Variants in STXBP5L observed in about 807,000 individuals in gnomAD.
STXBP5L encodes syntaxin-binding protein 5-like.
In STXBP5L, 65 loss-of-function variants were observed where a neutral mutation model predicts 144.5. The observed-to-expected ratio is 0.45, with a 90% CI of 0.37 to 0.55. The LOEUF is 0.55. Among genes scored for constraint, STXBP5L ranks in the 20% least tolerant of loss-of-function variants. STXBP5L has a pLI of 0.00. For missense variants in STXBP5L, 1,298 were observed against 1,405.5 expected (o/e 0.92, Z 1.22); for synonymous variants, 505 against 469.6 (o/e 1.08, Z -0.97).
At chr3:121,158,403 T>C (rs2046196811) in intron 9 of STXBP5L, 1 of 152,182 alleles carries the variant, frequency 6.6e-6, no homozygotes, top group African/African-American at 2.4e-5. Context: ...ATTTGGAAAG[T>C]AGTGGTATGT....
At chr3:120,979,296 T>C (rs1428765900) in intron 3 of STXBP5L, among the ~76,000 whole-genome samples, 1 of 152,180 alleles carries the variant, frequency 6.6e-6, no homozygotes, top group African/African-American at 2.4e-5. Context: ...CAGTTTGATC[T>C]CAGACTGCTG....
chr3:121,130,319 A>T (rs1182829014), intron 7 of STXBP5L, among the ~76,000 whole-genome samples: 3 of 152,094 alleles, frequency 2.0e-5, no homozygotes, highest in African/African-American at 7.2e-5. Flanking sequence ...ATGCCAAATG[A>T]CTATGTTACC....
chr3:121,313,933 C>A (rs985129653), intron 19 of STXBP5L, among the ~76,000 whole-genome samples: 4 of 149,000 alleles, frequency 2.7e-5, no homozygotes, highest in Non-Finnish European at 6.0e-5. Flanking sequence ...TGCGGCCCAG[C>A]AGAAGCGCTC....
intron 22 of STXBP5L, among the ~76,000 whole-genome samples, chr3:121,401,109 G>A (rs2046862513): frequency 1.3e-5 from 2 of 152,010 alleles, no homozygotes; most frequent in Admixed American, 1.3e-4. Flanking sequence ...AGCAATGGTT[G>A]CCCCCTGAGA....
intron 9 of STXBP5L, among the ~76,000 whole-genome samples, chr3:121,186,427 G>A (rs2047384281): frequency 6.6e-6 from 1 of 152,030 alleles, no homozygotes; most frequent in Non-Finnish European, 1.5e-5. Flanking sequence ...ATTGACTGTG[G>A]GTTTGTCTTA....
chr3:121,054,799 TAACCTATTTAGATC>T (rs1948329790), intron 5 of STXBP5L, among the ~76,000 whole-genome samples: 1 of 151,816 alleles, frequency 6.6e-6, no homozygotes, highest in Non-Finnish European at 1.5e-5. Flanking sequence ...AGTAAAATAT[TAACCTATTTAGATC>T]ACCATATTGA....
intron 3 of STXBP5L, among the ~76,000 whole-genome samples, chr3:120,968,725 A>C (rs1375705271): frequency 1.3e-5 from 2 of 152,064 alleles, no homozygotes. Flanking sequence ...CCCCGTTCTG[A>C]GTATCCAAAG....
At chr3:121,204,495 C>T (rs2048260833) in intron 9 of STXBP5L, among the ~76,000 whole-genome samples, 2 of 151,958 alleles carry the variant, frequency 1.3e-5, no homozygotes, top group East Asian at 3.9e-4. Context: ...AATTCCTTGC[C>T]CTTTAAACAA....
At chr3:120,975,778 C>G (rs938063280) in intron 3 of STXBP5L, among the ~76,000 whole-genome samples, 37 of 152,004 alleles carry the variant, frequency 2.4e-4, no homozygotes, top group African/African-American at 8.9e-4. Context: ...TGTCAAAGGC[C>G]TTTTCTGCAT....
rs34692428 is a variant in STXBP5L, at chr3:121,364,482, C to CAA, written c.2177-14222_2177-14221dup. On this transcript the variant is annotated intron_variant, in intron 20 of 26. Transcript: ENST00000471454. Reference sequence around the variant, plus strand: ...TTAAGGATGTGTTGTTCTATATCTGCAAAAAAAAAAAAATGGATTTTCATA... The same window carrying CAA: ...TTAAGGATGTGTTGTTCTATATCTGCAAAAAAAAAAAAAAATGGATTTTCATA... 4.8e-3 allele frequency among the ~76,000 whole-genome samples: 648 copies of CAA among 134,996 alleles called. 4 individuals are homozygous for CAA. The highest frequency in any genetic ancestry group is 0.016 in the African/African-American group (596 of 37,594). 88.6% of individuals were successfully genotyped at this position (134,996 alleles called of 152,430 possible). A position where few individuals can be genotyped will look rare whatever the true frequency, so the allele number is the denominator to read the frequency against.
intron 5 of STXBP5L, among the ~76,000 whole-genome samples, chr3:121,056,112 T>A (rs753220627): frequency 1.3e-5 from 2 of 152,168 alleles, no homozygotes; most frequent in African/African-American, 4.8e-5. Context: ...GTAAGGCTTA[T>A]ATATTAAAGC....
intron 3 of STXBP5L, among the ~76,000 whole-genome samples, chr3:121,031,400 T>C (rs533468430): frequency 2.4e-5 from 2 of 83,982 alleles, no homozygotes; most frequent in East Asian, 4.4e-4. Context: ...TTCTGTCTAT[T>C]CATCAATCAA....
At chr3:121,028,556 C>CA (rs1192349029) in intron 3 of STXBP5L, among the ~76,000 whole-genome samples, 5 of 152,018 alleles carry the variant, frequency 3.3e-5, no homozygotes, top group Admixed American at 6.6e-5. Context: ...GTAGAAACAT[C>CA]AAAAATATTC....
At chr3:121,305,757 C>T (rs765505564) in intron 19 of STXBP5L, among the ~76,000 whole-genome samples, 4 of 151,940 alleles carry the variant, frequency 2.6e-5, no homozygotes, top group Non-Finnish European at 5.9e-5. Flanking sequence ...ACTATCATCA[C>T]TTTTATTCAA....
chr3:121,094,997 G>C (rs926060426), intron 5 of STXBP5L, among the ~76,000 whole-genome samples: 1 of 152,060 alleles, frequency 6.6e-6, no homozygotes, highest in Admixed American at 6.6e-5. Flanking sequence ...GCATTTGCTT[G>C]TCTGTAAAGC....
chr3:121,017,861 G>A (rs963556705), intron 3 of STXBP5L, among the ~76,000 whole-genome samples: 1 of 152,052 alleles, frequency 6.6e-6, no homozygotes. Flanking sequence ...AGGATTTCTT[G>A]AGGCCAGGAG....
chr3:121,003,760 T>G (rs1356553747), intron 3 of STXBP5L, among the ~76,000 whole-genome samples: 1 of 152,202 alleles, frequency 6.6e-6, no homozygotes, highest in African/African-American at 2.4e-5. Flanking sequence ...CAGTTTCAGC[T>G]TTCTACATAT....
chr3:121,025,153 T>C (rs150358978), intron 3 of STXBP5L, among the ~76,000 whole-genome samples: 3 of 152,214 alleles, frequency 2.0e-5, no homozygotes, highest in East Asian at 3.9e-4. Context: ...CCAAGAGAGA[T>C]GTTAGAGATT....
rs1426925909 is a variant in STXBP5L, at chr3:121,331,938, C to T, written c.2176+13398C>T. On this transcript the variant is annotated intron_variant, in intron 20 of 26. Coordinates refer to ENST00000471454, the MANE Select transcript of STXBP5L (RefSeq NM_001308330.2). ...CCAAGCACATTGCCACCACAACCAG[C>T]ATCTGAGAAAGCCATCATACAAAGA... 2.6e-5 allele frequency among the ~76,000 whole-genome samples: 4 copies of T among 152,218 alleles called. No individual in the cohort carries two copies. In the East Asian group the frequency reaches 7.7e-4, roughly 29 times the overall value.
Sources: allele counts gnomAD v4.1 joint callset (sites outside exome capture counted in the v4.1 genomes callset), GRCh38; gene constraint gnomAD v4.1.1; transcripts MANE v1.5; gene names NCBI Gene and HGNC (gene_info 2026-07-23, HGNC 2026-07-21).